TAOK1: variants seen among roughly 807,000 people sequenced by gnomAD.
TAOK1 encodes TAO kinase 1.
TAOK1 carries 21 observed loss-of-function variants against 138.3 expected under a neutral mutation model. The observed-to-expected ratio is 0.15, with a 90% CI of 0.11 to 0.22. The LOEUF (loss-of-function observed/expected upper bound fraction) is 0.22. Among genes scored for constraint, TAOK1 ranks in the 10% least tolerant of loss-of-function variants. TAOK1 has a pLI of 1.00. For missense variants in TAOK1, 651 were observed against 1,227.7 expected, an observed-to-expected ratio of 0.53 and a Z score of 7.02; for synonymous variants, 361 against 398.4, an observed-to-expected ratio of 0.91 and a Z score of 1.12.
intron 2 of TAOK1, among the ~76,000 whole-genome samples, chr17:29,456,923 CG>C (rs201771285): frequency 0.066 from 9,815 of 149,314 alleles, 512 homozygotes; most frequent in Middle Eastern, 0.092. Context: ...TTAATAGAGA[CG>C]GGGTTCCACT....
intron 2 of TAOK1, among the ~76,000 whole-genome samples, chr17:29,458,966 C>T (rs147110473): frequency 0.037 from 5,629 of 151,862 alleles, 367 homozygotes; most frequent in African/African-American, 0.13. Context: ...GAGATCCACC[C>T]GCCTTGGCCT....
intron 1 of TAOK1, among the ~76,000 whole-genome samples, chr17:29,406,056 C>T (rs576774682): frequency 6.6e-6 from 1 of 152,012 alleles, no homozygotes; most frequent in African/African-American, 2.4e-5. Flanking sequence ...TAAATACATA[C>T]AATAGTGTAG....
At chr17:29,511,132 ATTGATTATAATCAGTTACCCTTAAC>A in intron 15 of TAOK1, 140 bp downstream of exon 15, 1 of 612,486 alleles carries the variant, frequency 1.6e-6, no homozygotes, top group Non-Finnish European at 2.6e-6. Context: ...AAATGATGAC[ATTGATTATAATCAGTTACCCTTAAC>A]TGAGTCATTT....
chr17:29,516,413 C>T (rs1030458649), intron 15 of TAOK1, among the ~76,000 whole-genome samples: 1 of 151,924 alleles, frequency 6.6e-6, no homozygotes, highest in African/African-American at 2.4e-5. Flanking sequence ...TGGCTCACTG[C>T]AACCTCTGCC....
chr17:29,400,611 A>G (rs1904809831), intron 1 of TAOK1, among the ~76,000 whole-genome samples: 1 of 151,698 alleles, frequency 6.6e-6, no homozygotes, highest in African/African-American at 2.4e-5. Context: ...AAAATGTATT[A>G]ATTCAACAAA....
intron 1 of TAOK1, among the ~76,000 whole-genome samples, chr17:29,445,984 A>G (rs2030066493): frequency 1.3e-5 from 2 of 152,046 alleles, no homozygotes; most frequent in Non-Finnish European, 2.9e-5. Flanking sequence ...TTCTTGAGTG[A>G]CTTTTTGGTA....
chr17:29,549,476 G>A lies in TAOK1; in HGVS notation c.*6454G>A, dbSNP rs1338673321. The A allele has an allele frequency of 1.3e-5, 2 of 152,180 alleles. No homozygotes were observed. 9.4% of individuals were successfully genotyped at this position (152,180 alleles called of 1,614,324 possible). A position where few individuals can be genotyped will look rare whatever the true frequency, so the allele number is the denominator to read the frequency against. ...CAAGGTATATTAGGGCCACTTGAAA[G>A]CATGAAGACCAGTTATATAGGGAAC... On this transcript the variant is annotated 3_prime_UTR_variant, in exon 20 of 20. Transcript: ENST00000261716.
rs1023603567 is a variant in TAOK1 at position 29,544,480 on chromosome 17, C to T, written c.*1458C>T. 2 of 151,308 alleles carry T rather than the reference C, an allele frequency of 1.3e-5. No homozygotes were observed. The highest frequency in any genetic ancestry group is 4.9e-5 in the African/African-American group (2 of 41,088). 9.4% of individuals were successfully genotyped at this position (151,308 alleles called of 1,614,324 possible). Reference sequence around the variant, plus strand: ...CTGAAAAGGAACTAGGAAGTTTGGCCAATTAAAAAAAAAAAGTAAAATAAG... The same window carrying T: ...CTGAAAAGGAACTAGGAAGTTTGGCTAATTAAAAAAAAAAAGTAAAATAAG... On this transcript the variant is annotated 3_prime_UTR_variant, in exon 20 of 20. Transcript: ENST00000261716.
At chr17:29,481,983 A>G (rs1009189746) in intron 7 of TAOK1, among the ~76,000 whole-genome samples, 2 of 152,060 alleles carry the variant, frequency 1.3e-5, no homozygotes, top group Non-Finnish European at 2.9e-5. Context: ...AATACAATAA[A>G]TAAATAAATA....
chr17:29,413,639 A>G (rs751977135), intron 1 of TAOK1, among the ~76,000 whole-genome samples: 5 of 152,110 alleles, frequency 3.3e-5, no homozygotes, highest in Admixed American at 6.6e-5. Flanking sequence ...TAAAGTAAAC[A>G]GTTCAGTGGC....
chr17:29,478,477 A>G, intron 6 of TAOK1, 130 bp downstream of exon 6: 1 of 551,396 alleles, frequency 1.8e-6, no homozygotes, highest in Non-Finnish European at 3.0e-6. Context: ...ATTTTTTTAG[A>G]TTTTTCATGT....
intron 11 of TAOK1, 60 bp downstream of exon 11, chr17:29,495,787 C>A: frequency 1.5e-6 from 2 of 1,356,650 alleles, no homozygotes; most frequent in East Asian, 2.6e-5. Context: ...TTTCCTTATG[C>A]AGCTTGCCCT....
In TAOK1 at chr17:29,548,872, CTTAAATG is replaced by C. The variant is rs1476581180; in HGVS notation, c.*5856_*5862del. On this transcript the variant is annotated 3_prime_UTR_variant, in exon 20 of 20. Transcript: ENST00000261716. ...CTAGGTGACATTTTTAGAATTAATA[CTTAAATG>C]TTAAACAGGGGGAAATGAAGCTTAA... is the stretch of plus-strand genomic sequence containing the variant. 1.3e-5 allele frequency: 2 copies of C among 152,074 alleles called. No individual in the cohort carries two copies. The highest frequency in any genetic ancestry group is 2.1e-4 in the South Asian group (1 of 4,828). 9.4% of individuals were successfully genotyped at this position (152,074 alleles called of 1,614,324 possible). A position where few individuals can be genotyped will look rare whatever the true frequency, so the allele number is the denominator to read the frequency against.
intron 1 of TAOK1, among the ~76,000 whole-genome samples, chr17:29,400,478 C>T (rs926824392): frequency 6.6e-6 from 1 of 151,888 alleles, no homozygotes; most frequent in African/African-American, 2.4e-5. Flanking sequence ...CCTCTTCTAC[C>T]TCCTGGAGCT....
intron 1 of TAOK1, among the ~76,000 whole-genome samples, chr17:29,442,300 C>T (rs545715334): frequency 6.6e-5 from 10 of 152,044 alleles, no homozygotes; most frequent in African/African-American, 2.4e-4. Context: ...CCCACCTAGG[C>T]CTCCCAAAGT....
At chr17:29,420,625 G>A (rs1905405767) in intron 1 of TAOK1, among the ~76,000 whole-genome samples, 2 of 119,514 alleles carry the variant, frequency 1.7e-5, no homozygotes, top group Admixed American at 2.0e-4. Context: ...CGCTCTTGTT[G>A]CCCAGGCTAG....
In TAOK1 at chr17:29,444,390, G is replaced by A. The variant is rs373217943; in HGVS notation, c.-94-7065G>A. Among the ~76,000 whole-genome samples the A allele has an allele frequency of 3.3e-5, 5 of 152,302 alleles. No homozygotes were observed. In the East Asian group the frequency reaches 5.8e-4, roughly 18 times the overall value. On this transcript the variant is annotated intron_variant, in intron 1 of 19. Transcript: ENST00000261716. Reference sequence around the variant, plus strand: ...GATGGTGCTAATTTTTAATAATAAAGTGCTTTCAGGAACTTTAGTATGTAT... The same window carrying A: ...GATGGTGCTAATTTTTAATAATAAAATGCTTTCAGGAACTTTAGTATGTAT...
At chr17:29,454,654 C>G (rs979845921) in intron 2 of TAOK1, among the ~76,000 whole-genome samples, 1 of 151,982 alleles carries the variant, frequency 6.6e-6, no homozygotes, top group Non-Finnish European at 1.5e-5. Context: ...CATTTAGTTG[C>G]AAATGTTTCA....
intron 2 of TAOK1, among the ~76,000 whole-genome samples, chr17:29,464,443 C>CA (rs375412745): frequency 8.0e-3 from 478 of 59,910 alleles, no homozygotes; most frequent in Middle Eastern, 0.027. Flanking sequence ...GACTCCATCT[C>CA]AAAAAAAAAA....
Sources: allele counts gnomAD v4.1 joint callset (sites outside exome capture counted in the v4.1 genomes callset), GRCh38; gene constraint gnomAD v4.1.1; transcripts MANE v1.5; gene names NCBI Gene and HGNC (gene_info 2026-07-23, HGNC 2026-07-21).